SPOCK3: variants seen among roughly 807,000 people sequenced by gnomAD.
SPOCK3 encodes the protein SPARC (osteonectin), cwcv and kazal like domains proteoglycan 3.
Under a neutral mutation model 56.6 loss-of-function variants are expected in SPOCK3, and 30 were observed. The ratio of observed to expected loss-of-function variants is 0.53; its 90% CI spans 0.40 to 0.72. The LOEUF is 0.72. Among genes scored for constraint, SPOCK3 ranks in the 30% least tolerant of loss-of-function variants. The pLI, the probability that SPOCK3 is intolerant of heterozygous loss-of-function variation, is 0.00. For missense variants in SPOCK3, 527 were observed against 530.0 expected (o/e 0.99, Z 0.06); for synonymous variants, 196 against 183.3 (o/e 1.07, Z -0.56).
At chr4:166,799,017 A>C (rs1434389530) in intron 6 of SPOCK3, among the ~76,000 whole-genome samples, 1 of 152,220 alleles carries the variant, frequency 6.6e-6, no homozygotes, top group Non-Finnish European at 1.5e-5. Context: ...ATTTAATGCC[A>C]AGATTTTTTA....
intron 2 of SPOCK3, among the ~76,000 whole-genome samples, chr4:167,203,465 A>G (rs1454231692): frequency 6.6e-6 from 1 of 151,952 alleles, no homozygotes; most frequent in Non-Finnish European, 1.5e-5. Context: ...ACTCCTTGAA[A>G]CCAAGGCAAA....
At position 166,986,278 on chromosome 4, in the gene SPOCK3, G is replaced by A. The variant is rs1330833674; in HGVS notation, c.350+14071C>T. ...AGGAGATTTTACTCATAGCAAGGAT[G>A]CTAGCATGTTGAAGTGTTACCCATC... On this transcript the variant is annotated intron_variant, in intron 4 of 10. Coordinates refer to ENST00000357545, the MANE Select transcript of SPOCK3 (RefSeq NM_001040159.2). 2.0e-5 allele frequency among the ~76,000 whole-genome samples: 3 copies of A among 152,180 alleles called. No individual in the cohort carries two copies. In the East Asian group the frequency reaches 5.8e-4, roughly 29 times the overall value.
At chr4:167,047,126 T>C (rs1753807821) in intron 3 of SPOCK3, among the ~76,000 whole-genome samples, 1 of 152,164 alleles carries the variant, frequency 6.6e-6, no homozygotes, top group Non-Finnish European at 1.5e-5. Flanking sequence ...TTTCTGAAGA[T>C]AAGTATAGTG....
chr4:167,110,034 T>C (rs561781967), intron 2 of SPOCK3, among the ~76,000 whole-genome samples: 1 of 152,030 alleles, frequency 6.6e-6, no homozygotes, highest in Non-Finnish European at 1.5e-5. Flanking sequence ...CTCTAGGGTA[T>C]TTGCTTGGGT....
At chr4:167,186,641 A>AAAC (rs998680945) in intron 2 of SPOCK3, among the ~76,000 whole-genome samples, 9 of 151,448 alleles carry the variant, frequency 5.9e-5, no homozygotes, top group Admixed American at 3.3e-4. Context: ...AACAAAAAAC[A>AAAC]AACAACAACA....
At chr4:166,762,282 G>C (rs1239823362) in intron 7 of SPOCK3, among the ~76,000 whole-genome samples, 3 of 152,056 alleles carry the variant, frequency 2.0e-5, no homozygotes, top group African/African-American at 7.2e-5. Flanking sequence ...TTTTAAAATA[G>C]TATATTTTGA....
chr4:166,768,815 C>T (rs10017298), intron 7 of SPOCK3, among the ~76,000 whole-genome samples: 50,214 of 152,100 alleles, frequency 0.33, 8,463 homozygotes, highest in Admixed American at 0.42. Flanking sequence ...CCATCACTTT[C>T]AGGTACACCA....
intron 4 of SPOCK3, among the ~76,000 whole-genome samples, chr4:166,933,884 T>C (rs960760913): frequency 6.6e-6 from 1 of 152,184 alleles, no homozygotes; most frequent in South Asian, 2.1e-4. Flanking sequence ...GGTCCAGCCA[T>C]GTTGCCCCAT....
chr4:167,182,893 T>C (rs1193583155), intron 2 of SPOCK3, among the ~76,000 whole-genome samples: 1 of 152,198 alleles, frequency 6.6e-6, no homozygotes, highest in Non-Finnish European at 1.5e-5. Flanking sequence ...ATCTTTTACA[T>C]GTCTTTGTAC....
chr4:167,233,738 G>C (rs1737424104), intron 2 of SPOCK3, among the ~76,000 whole-genome samples: 1 of 152,154 alleles, frequency 6.6e-6, no homozygotes, highest in African/African-American at 2.4e-5. Flanking sequence ...GGGGAGAGCA[G>C]GGTGGGGGAG....
chr4:166,739,208 C>A (rs1345278299), intron 9 of SPOCK3, among the ~76,000 whole-genome samples: 1 of 152,184 alleles, frequency 6.6e-6, no homozygotes, highest in South Asian at 2.1e-4. Context: ...GTTTGCATTT[C>A]TCTGATGGCC....
rs139831919 is a variant in SPOCK3 at position 166,898,656 on chromosome 4, T to C, written c.475-9412A>G. Among the ~76,000 whole-genome samples the C allele has an allele frequency of 1.8e-3, 272 of 152,308 alleles. 1 individual carries two copies. Among genetic ancestry groups the C allele is most frequent in the African/African-American group, 6.2e-3 (258 of 41,582 alleles). On this transcript the variant is annotated intron_variant, in intron 5 of 10. Transcript: ENST00000357545. ...ATTAGGTAGTGATGTGCTATATACT[T>C]GTACTTTTTTATCTGGTAAATGGTA...
At chr4:166,975,876 T>G (rs775972629) in intron 4 of SPOCK3, among the ~76,000 whole-genome samples, 4 of 152,148 alleles carry the variant, frequency 2.6e-5, no homozygotes, top group Non-Finnish European at 5.9e-5. Context: ...ACTAGTACTC[T>G]ATTGTGTATA....
chr4:166,831,658 T>A (rs1746069871), intron 6 of SPOCK3, among the ~76,000 whole-genome samples: 1 of 151,782 alleles, frequency 6.6e-6, no homozygotes, highest in East Asian at 1.9e-4. Flanking sequence ...TGTCTTCTCT[T>A]TTATTTTCTT....
In SPOCK3 at chr4:166,755,857, A is replaced by C. The variant is rs554572765; in HGVS notation, c.710-1128T>G. On this transcript the variant is annotated intron_variant, in intron 7 of 10. Coordinates refer to ENST00000357545, the MANE Select transcript of SPOCK3 (RefSeq NM_001040159.2). ...AATTATAAAAATAATAGAAATAAAA[A>C]TGTAGACACTTAGGATTAAAAATTA... Among the ~76,000 whole-genome samples, 480 of 151,766 alleles carry C rather than the reference A, an allele frequency of 3.2e-3. 61 individuals carry two copies. In the South Asian group the frequency reaches 0.11, roughly 33 times the overall value.
intron 6 of SPOCK3, among the ~76,000 whole-genome samples, chr4:166,861,629 C>T (rs1201747382): frequency 1.3e-5 from 2 of 152,104 alleles, no homozygotes; most frequent in Non-Finnish European, 2.9e-5. Context: ...ATGTGTGGCT[C>T]TCTCCAGCCA....
intron 3 of SPOCK3, among the ~76,000 whole-genome samples, chr4:167,057,627 G>A (rs1189969655): frequency 6.6e-6 from 1 of 151,736 alleles, no homozygotes; most frequent in Non-Finnish European, 1.5e-5. Context: ...AAAAGGCAGG[G>A]GTTGCAATCC....
chr4:167,067,425 C>T (rs1756266627), intron 2 of SPOCK3, among the ~76,000 whole-genome samples: 1 of 151,718 alleles, frequency 6.6e-6, no homozygotes, highest in Non-Finnish European at 1.5e-5. Flanking sequence ...TGAAGACACA[C>T]TTCAAATATG....
intron 2 of SPOCK3, among the ~76,000 whole-genome samples, chr4:167,205,524 AT>A (rs1561322625): frequency 2.4e-4 from 14 of 58,876 alleles, no homozygotes; most frequent in African/African-American, 8.3e-4. Flanking sequence ...TATATTATAT[AT>A]ATTATTATAT....
Sources: gnomAD v4.1 joint callset for allele counts (sites outside exome capture counted in the v4.1 genomes callset) on GRCh38, gnomAD v4.1.1 for gene constraint, MANE v1.5 for transcripts, NCBI Gene and HGNC (gene_info 2026-07-23, HGNC 2026-07-21) for gene names.